The following RPTOR variants were observed in gnomAD, a reference collection of about 807,000 sequenced individuals.
The protein encoded by RPTOR is regulatory associated protein of MTOR complex 1.
A neutral mutation model predicts 169.9 loss-of-function variants in RPTOR; 21 were observed. The observed-to-expected ratio is 0.12, with a 90% CI of 0.09 to 0.18. The LOEUF (loss-of-function observed/expected upper bound fraction) is 0.18, where lower values mean the gene tolerates loss of function less well. RPTOR is among the 10% of genes least tolerant of loss of function. RPTOR has a pLI of 1.00. For synonymous variants in RPTOR, 732 were observed against 753.2 expected (o/e 0.97, Z 0.46); for missense variants, 1,133 against 1,855.9 (o/e 0.61, Z 7.16).
chr17:80,963,323 C>T (rs746500026), intron 33 of RPTOR, among the ~76,000 whole-genome samples: 32 of 152,074 alleles, frequency 2.1e-4, no homozygotes, highest in Non-Finnish European at 4.3e-4. Flanking sequence ...CCCTCAGACC[C>T]TGCACTAAAG....
intron 20 of RPTOR, among the ~76,000 whole-genome samples, chr17:80,896,848 C>T (rs1485830598): frequency 2.0e-5 from 3 of 152,208 alleles, no homozygotes; most frequent in Non-Finnish European, 4.4e-5. Context: ...CTTAAGTCTT[C>T]TTTATGTCTT....
chr17:80,678,911 C>G (rs1173156671), intron 3 of RPTOR, among the ~76,000 whole-genome samples: 2 of 152,216 alleles, frequency 1.3e-5, no homozygotes, highest in Non-Finnish European at 2.9e-5. Context: ...AAGCCAGTGG[C>G]TTTCACTGCT....
intron 6 of RPTOR, among the ~76,000 whole-genome samples, chr17:80,786,628 G>A (rs1459802309): frequency 6.6e-6 from 1 of 152,182 alleles, no homozygotes; most frequent in Non-Finnish European, 1.5e-5. Context: ...TGGAAGAGCC[G>A]CAGCAGCTGG....
At chr17:80,897,818 G>A (rs141768040) in intron 20 of RPTOR, among the ~76,000 whole-genome samples, 312 of 152,254 alleles carry the variant, frequency 2.0e-3, no homozygotes, top group African/African-American at 7.1e-3. Context: ...GCTTGAATTC[G>A]GGCAGCAGAG....
chr17:80,755,803 G>C (rs2066675322), intron 6 of RPTOR, among the ~76,000 whole-genome samples: 1 of 151,226 alleles, frequency 6.6e-6, no homozygotes, highest in Admixed American at 6.6e-5. Context: ...GGGGGCAGCA[G>C]AGAGGGATCT....
At position 80,905,010 on chromosome 17, in the gene RPTOR, G is replaced by A. The variant is rs546901682; in HGVS notation, c.2402-3801G>A. 2.0e-3 allele frequency among the ~76,000 whole-genome samples: 299 copies of A among 151,658 alleles called. 2 individuals carry two copies. The highest frequency in any genetic ancestry group is 6.9e-3 in the African/African-American group (287 of 41,334). On this transcript the variant is annotated intron_variant, in intron 20 of 33. Coordinates refer to ENST00000306801, the MANE Select transcript of RPTOR (RefSeq NM_020761.3). ...GTCGACAACAATAGCGTTGGCCCTC[G>A]GTACGCGTGGGGGACTCAAGGGCCC...
At chr17:80,703,105 T>C (rs4062178) in intron 3 of RPTOR, among the ~76,000 whole-genome samples, 40,403 of 151,960 alleles carry the variant, frequency 0.27, 7,434 homozygotes, top group African/African-American at 0.53. Flanking sequence ...TATTTTGGGG[T>C]GCCTTATCTT....
At chr17:80,914,941 C>T (rs2068655196) in intron 21 of RPTOR, among the ~76,000 whole-genome samples, 2 of 152,358 alleles carry the variant, frequency 1.3e-5, no homozygotes, top group South Asian at 2.1e-4. Flanking sequence ...GTGCTTTTTC[C>T]AAGCCTGCCC....
rs1013573173 is a variant in RPTOR, at chr17:80,611,679, A to G, written c.163-14012A>G. 3.3e-5 allele frequency among the ~76,000 whole-genome samples: 5 copies of G among 152,060 alleles called. No individual in the cohort carries two copies. The South Asian group carries it at 1.0e-3, about 32-fold the overall frequency. On this transcript the variant is annotated intron_variant, in intron 1 of 33. Coordinates refer to ENST00000306801, the MANE Select transcript of RPTOR (RefSeq NM_020761.3). ...AATATCACTCCTAAGAAAATTGACC[A>G]TACTTCCACAATATTATCTAAATAG...
intron 33 of RPTOR, among the ~76,000 whole-genome samples, chr17:80,963,840 C>T (rs1387875234): frequency 6.6e-6 from 1 of 152,076 alleles, no homozygotes; most frequent in Non-Finnish European, 1.5e-5. Context: ...CTCACCCTGT[C>T]CCCTGTGCGG....
At position 80,925,388 on chromosome 17, in the gene RPTOR, G is replaced by A. The variant is rs779796967; in HGVS notation, c.2827G>A (p.Asp943Asn). Residue 943 changes from aspartate (D) to asparagine (N), a missense_variant, in exon 24 of 34, where the codon GAT becomes AAT. By Grantham distance (23) the Asp-to-Asn change is conservative. This residue lies in a region of RPTOR where 410 missense variants were observed against 623.7 expected (regional missense o/e 0.66). Coordinates refer to ENST00000306801, the MANE Select transcript of RPTOR (RefSeq NM_020761.3). ...CCTGAAGACTGCGGACGACGCGGAC[G>A]ATGCTGCTGGACACAAAAGTTTCAT... ...GPEQTADDAD[D>N]AAGHKSFISA... The A allele has an allele frequency of 2.0e-5, 32 of 1,613,544 alleles. No individual in the cohort carries two copies. Among genetic ancestry groups the A allele is most frequent in the Non-Finnish European group, 2.5e-5 (29 of 1,180,002 alleles).
At chr17:80,791,913 C>A (rs371588123) in intron 7 of RPTOR, among the ~76,000 whole-genome samples, 37 of 152,172 alleles carry the variant, frequency 2.4e-4, no homozygotes, top group African/African-American at 8.4e-4. Flanking sequence ...CCCCTCCCCC[C>A]CTGTCGCCAT....
intron 3 of RPTOR, among the ~76,000 whole-genome samples, chr17:80,652,169 T>TAA (rs761547941): frequency 2.2e-5 from 3 of 139,336 alleles, no homozygotes; most frequent in Non-Finnish European, 1.6e-5. Context: ...GACTCCATCT[T>TAA]AAAAAAAAAA....
At chr17:80,890,234 C>G (rs1403961668) in intron 17 of RPTOR, among the ~76,000 whole-genome samples, 1 of 152,238 alleles carries the variant, frequency 6.6e-6, no homozygotes, top group East Asian at 1.9e-4. Context: ...TAATCCATGC[C>G]AGCTCCCAGC....
chr17:80,920,071 G>A (rs989237297), intron 21 of RPTOR, among the ~76,000 whole-genome samples: 5 of 152,208 alleles, frequency 3.3e-5, no homozygotes, highest in Non-Finnish European at 7.3e-5. Flanking sequence ...CTGGTGCTGC[G>A]CTCTCTAAGA....
intron 2 of RPTOR, among the ~76,000 whole-genome samples, chr17:80,626,616 C>G (rs1454849786): frequency 1.3e-5 from 2 of 151,816 alleles, no homozygotes; most frequent in Non-Finnish European, 2.9e-5. Flanking sequence ...TTGCTAATCT[C>G]CATTTGAGAG....
At chr17:80,871,084 C>G (rs904925792) in intron 13 of RPTOR, among the ~76,000 whole-genome samples, 14 of 152,080 alleles carry the variant, frequency 9.2e-5, no homozygotes, top group African/African-American at 3.4e-4. Flanking sequence ...ATTTTGTAGA[C>G]TGGCCCTCTG....
At chr17:80,649,943 T>C (rs1433918701) in intron 3 of RPTOR, among the ~76,000 whole-genome samples, 2 of 152,220 alleles carry the variant, frequency 1.3e-5, no homozygotes, top group African/African-American at 4.8e-5. Flanking sequence ...GGAAGCAGCT[T>C]CCTGGAAGCA....
intron 7 of RPTOR, among the ~76,000 whole-genome samples, chr17:80,795,696 G>A (rs775896842): frequency 6.6e-6 from 1 of 152,112 alleles, no homozygotes; most frequent in African/African-American, 2.4e-5. Context: ...AGTCCGAGCA[G>A]CTCCATCTGG....
Sources: gnomAD v4.1 joint callset for allele counts (sites outside exome capture counted in the v4.1 genomes callset) on GRCh38, gnomAD v4.1.1 for gene constraint, gnomAD v4.1.1 regional missense constraint, MANE v1.5 for transcripts, NCBI Gene and HGNC (gene_info 2026-07-23, HGNC 2026-07-21) for gene names.